The following ZBTB2 variants were observed in gnomAD, a reference collection of about 807,000 sequenced individuals.
ZBTB2 encodes zinc finger and BTB domain containing 2.
ZBTB2 carries 2 observed loss-of-function variants against 39.5 expected under a neutral mutation model. That is an observed-to-expected ratio of 0.05 (90% CI 0.02 to 0.16). The LOEUF (loss-of-function observed/expected upper bound fraction) is 0.16, where lower values mean the gene tolerates loss of function less well. Ranked by LOEUF, ZBTB2 falls within the 10% of genes least tolerant of loss-of-function variation. The pLI, the probability that ZBTB2 is intolerant of heterozygous loss-of-function variation, is 1.00. For synonymous variants in ZBTB2, 251 were observed against 256.6 expected (o/e 0.98, Z 0.21); for missense variants, 391 against 653.0 (o/e 0.60, Z 4.37).
Position 151,365,693 on chromosome 6 carries a change from G to C in ZBTB2, c.1373C>G (p.Ser458Cys), listed in dbSNP as rs1778630977. ...ATGTTTAACAACCTCATTGGGAGTG[G>C]AGAATGTTTTGTCACACAAGTTGCA... ...YKCNLCDKTFSTPNEVVKHSC... is the reference protein window; with the variant it reads ...YKCNLCDKTFCTPNEVVKHSC... Residue 458 changes from serine (S) to cysteine (C), a missense_variant, in exon 3 of 3, where the codon TCC becomes TGC. Physicochemically the swap from Ser to Cys is moderately radical, Grantham distance 112. Transcript: ENST00000325144. This position sits in a 1 kb window ranked among gnomAD's most constrained non-coding sequence, Gnocchi z 5.6. 1 of 1,614,078 alleles carries C rather than the reference G, an allele frequency of 6.2e-7. No individual in the cohort carries two copies. Among genetic ancestry groups the C allele is most frequent in the Non-Finnish European group, 8.5e-7 (1 of 1,180,042 alleles).
chr6:151,366,068 T>C lies in ZBTB2; in HGVS notation c.998A>G (p.Gln333Arg). The change falls in exon 3 of 3, where the codon CAG becomes CGG. Residue 333 changes from glutamine (Q) to arginine (R), a missense_variant. Physicochemically the swap from Gln to Arg is conservative, Grantham distance 43. This residue lies in a region of ZBTB2 where 80 missense variants were observed against 125.2 expected (regional missense o/e 0.64). Coordinates refer to ENST00000325144, the MANE Select transcript of ZBTB2 (RefSeq NM_020861.3). The surrounding 1 kb of genome is among the most constrained non-coding windows in gnomAD (Gnocchi z 7.1). ...ISDSPIIDGQ[Q>R]QSETPPPSDI... ...TGAGGGGGGTGGGGTTTCCGACTGC[T>C]GCTGCCCATCGATGATGGGAGAATC... The C allele has an allele frequency of 1.2e-6, 2 of 1,614,192 alleles. No homozygotes were observed. Among genetic ancestry groups the C allele is most frequent in the Non-Finnish European group, 8.5e-7 (1 of 1,180,046 alleles).
chr6:151,371,638 G>C (rs1778791123), intron 2 of ZBTB2, among the ~76,000 whole-genome samples: 1 of 152,182 alleles, frequency 6.6e-6, no homozygotes, highest in African/African-American at 2.4e-5. Context: ...CCAAGCCTGT[G>C]GGGCCTTGGA....
In ZBTB2 at chr6:151,373,548, GA is replaced by G. The variant is rs753231446; in HGVS notation, c.89del (p.Ile30ThrfsTer34). 6.2e-7 allele frequency: 1 copy of G among 1,614,134 alleles called. No individual in the cohort carries two copies. The highest frequency in any genetic ancestry group is 8.5e-7 in the Non-Finnish European group (1 of 1,180,018). The part of the protein sequence containing the change: ...FGFLCDCTVA[I>X]GDVYFKAHKS... ...TGTGTGCCTTGAAGTATACATCGCC[GA>G]TTGCAACCGTGCAGTCACACAGGAA... On this transcript the variant is annotated frameshift_variant, in exon 2 of 3. Transcript: ENST00000325144. LOFTEE classifies it high-confidence loss of function.
At chr6:151,390,458 C>T (rs1158983903) in intron 1 of ZBTB2, among the ~76,000 whole-genome samples, 1 of 149,800 alleles carries the variant, frequency 6.7e-6, no homozygotes, top group Non-Finnish European at 1.5e-5. Flanking sequence ...GCGCGCTCGC[C>T]CCAAGTCCCG....
intron 2 of ZBTB2, 123 bp downstream of exon 2, chr6:151,373,342 C>T: frequency 9.3e-7 from 1 of 1,078,758 alleles, no homozygotes; most frequent in East Asian, 2.4e-5. Flanking sequence ...CGAGTGAGGC[C>T]ACAAGGGAGC....
At chr6:151,370,183 T>C (rs1778756306) in intron 2 of ZBTB2, 1 of 640,876 alleles carries the variant, frequency 1.6e-6, no homozygotes, top group East Asian at 1.4e-4. Flanking sequence ...TTGCCCAGGC[T>C]GGAGTGCAGT....
intron 1 of ZBTB2, among the ~76,000 whole-genome samples, chr6:151,390,558 C>G (rs1453728991): frequency 6.6e-6 from 1 of 150,662 alleles, no homozygotes; most frequent in Non-Finnish European, 1.5e-5. Flanking sequence ...GTGGCCCAGA[C>G]AGGGAGAGAG....
chr6:151,365,420 C>CTG lies in ZBTB2; in HGVS notation c.*99_*100dup. The CTG allele has an allele frequency of 7.4e-7, 1 of 1,352,094 alleles. No individual in the cohort carries two copies. The highest frequency in any genetic ancestry group is 1.4e-5 in the South Asian group (1 of 70,150). The allele number at this position is 1,352,094 out of a possible 1,614,324, so 83.8% of individuals were successfully genotyped here. On this transcript the variant is annotated 3_prime_UTR_variant, in exon 3 of 3. Transcript: ENST00000325144. The surrounding 1 kb of genome is among the most constrained non-coding windows in gnomAD (Gnocchi z 5.6). ...GGGAAGAGGAGAAGAGAACAAGGAC[C>CTG]TGTTTGTATCATGCCATGGAGAACT...
intron 1 of ZBTB2, among the ~76,000 whole-genome samples, chr6:151,386,336 G>A (rs995325592): frequency 1.3e-5 from 2 of 152,232 alleles, no homozygotes; most frequent in South Asian, 2.1e-4. Flanking sequence ...CTTGAGCCCC[G>A]GAGACCAGCC....
At chr6:151,385,273 G>A (rs1398169039) in intron 1 of ZBTB2, among the ~76,000 whole-genome samples, 1 of 152,174 alleles carries the variant, frequency 6.6e-6, no homozygotes, top group Non-Finnish European at 1.5e-5. Flanking sequence ...ACACTTCCTA[G>A]AGCCAAATAC....
At chr6:151,370,301 AAT>A (rs1306981924) in intron 2 of ZBTB2, 1 of 153,196 alleles carries the variant, frequency 6.5e-6, no homozygotes, top group Non-Finnish European at 1.4e-5. Flanking sequence ...ATGCCCGGCT[AAT>A]TTTTCTATTT....
At position 151,391,464 on chromosome 6, in the gene ZBTB2, C is replaced by T. The variant is rs929226068; in HGVS notation, c.-57G>A. On this transcript the variant is annotated 5_prime_UTR_variant, in exon 1 of 3. Coordinates refer to ENST00000325144, the MANE Select transcript of ZBTB2 (RefSeq NM_020861.3). Reference sequence around the variant, plus strand: ...GGCGGGGGGTGTGGAGGAGGCGCCTCTGGGCAGCCTCGGCCGTGCTGTCCT... The same window carrying T: ...GGCGGGGGGTGTGGAGGAGGCGCCTTTGGGCAGCCTCGGCCGTGCTGTCCT... 1 of 152,362 alleles carries T rather than the reference C, an allele frequency of 6.6e-6. No homozygotes were observed. Among genetic ancestry groups the T allele is most frequent in the African/African-American group, 2.4e-5 (1 of 41,282 alleles). 9.4% of individuals were successfully genotyped at this position (152,362 alleles called of 1,614,324 possible).
intron 1 of ZBTB2, among the ~76,000 whole-genome samples, chr6:151,377,830 G>A (rs955706148): frequency 2.6e-5 from 4 of 151,756 alleles, no homozygotes; most frequent in South Asian, 2.1e-4. Context: ...CACCGTGCCC[G>A]GGCAAGTTAA....
chr6:151,366,079 G>T lies in ZBTB2; in HGVS notation c.987C>A (p.Ile329=), dbSNP rs1321652289. The T allele has an allele frequency of 2.5e-6, 4 of 1,614,122 alleles. No individual in the cohort carries two copies. The highest frequency in any genetic ancestry group is 3.4e-6 in the Non-Finnish European group (4 of 1,180,016). Residue 329 remains isoleucine, a synonymous_variant, in exon 3 of 3, where the codon ATC becomes ATA. Transcript: ENST00000325144. The surrounding 1 kb of genome is among the most constrained non-coding windows in gnomAD (Gnocchi z 7.1). The stretch of plus-strand genomic sequence containing the variant: ...GGGTTTCCGACTGCTGCTGCCCATC[G>T]ATGATGGGAGAATCAGAGATGTGCT... ...ELQHISDSPI[I]DGQQQSETPP...
chr6:151,391,365 G>C (rs1262803777), intron 1 of ZBTB2, 55 bp downstream of exon 1: 1 of 151,896 alleles, frequency 6.6e-6, no homozygotes, highest in Middle Eastern at 3.2e-3. Context: ...CGGACCCTGG[G>C]CTGGGGGTGG....
chr6:151,367,343 A>G (rs1347528457), intron 2 of ZBTB2, among the ~76,000 whole-genome samples: 2 of 152,212 alleles, frequency 1.3e-5, no homozygotes, highest in Non-Finnish European at 2.9e-5. Flanking sequence ...GTGGTCTCCA[A>G]TTCCTGACCT....
At chr6:151,379,637 GA>G (rs61085296) in intron 1 of ZBTB2, among the ~76,000 whole-genome samples, 986 of 65,882 alleles carry the variant, frequency 0.015, 9 homozygotes, top group African/African-American at 0.042. Flanking sequence ...GACCCTGTCT[GA>G]AAAAAAAAAA....
chr6:151,372,298 GAA>G (rs895930349), intron 2 of ZBTB2, among the ~76,000 whole-genome samples: 2 of 152,200 alleles, frequency 1.3e-5, no homozygotes, highest in Non-Finnish European at 2.9e-5. Flanking sequence ...TGACCTTTGA[GAA>G]AAGACTGCAG....
intron 2 of ZBTB2, among the ~76,000 whole-genome samples, chr6:151,371,606 G>A (rs1036140187): frequency 2.0e-5 from 3 of 152,190 alleles, no homozygotes; most frequent in Non-Finnish European, 4.4e-5. Context: ...AGTCGCAGAT[G>A]AGACTAGAAG....
Sources: allele counts gnomAD v4.1 joint callset (sites outside exome capture counted in the v4.1 genomes callset), GRCh38; gene constraint gnomAD v4.1.1; regional missense constraint gnomAD v4.1.1; non-coding constraint Gnocchi (gnomAD v3.1); transcripts MANE v1.5; gene names NCBI Gene and HGNC (gene_info 2026-07-23, HGNC 2026-07-21).